DNM1L: variants seen among roughly 807,000 people sequenced by gnomAD.
The protein encoded by DNM1L is dynamin 1L, also known as dynamin-1-like protein.
DNM1L carries 33 observed loss-of-function variants against 92.8 expected under a neutral mutation model. The observed-to-expected ratio is 0.36, with a 90% CI of 0.27 to 0.48. The LOEUF is 0.48. Among genes scored for constraint, DNM1L ranks in the 20% least tolerant of loss-of-function variants. The probability of loss-of-function intolerance (pLI) is 0.99; values close to 1 mark genes in which losing one functional copy is unlikely to be tolerated. For missense variants in DNM1L, 485 were observed against 888.8 expected (o/e 0.55, Z 5.78); for synonymous variants, 284 against 305.0 (o/e 0.93, Z 0.72).
At chr12:32,734,751 G>T (rs928631170) in intron 13 of DNM1L, among the ~76,000 whole-genome samples, 3 of 152,190 alleles carry the variant, frequency 2.0e-5, no homozygotes, top group Admixed American at 2.0e-4. Context: ...GGAGGTTGCA[G>T]TGAGCTGAGA....
In DNM1L at chr12:32,731,230, A is replaced by G. The variant is rs577557556; in HGVS notation, c.1200+96A>G. 77 of 1,591,976 alleles carry G rather than the reference A, an allele frequency of 4.8e-5. No individual in the cohort carries two copies. In the South Asian group the frequency reaches 7.9e-4, roughly 16 times the overall value. On this transcript the variant is annotated intron_variant, in intron 10 of 19. Transcript: ENST00000549701. The surrounding 1 kb of genome is among the most constrained non-coding windows in gnomAD (Gnocchi z 5.1). ...CTTTTTAAATTTAATTATACAGTTT[A>G]TTTTGCTCTCATATTTGAAATTAAA...
chr12:32,729,916 TTG>T (rs1273627105), intron 9 of DNM1L, among the ~76,000 whole-genome samples: 86 of 152,238 alleles, frequency 5.6e-4, no homozygotes, highest in African/African-American at 2.0e-3. Context: ...TCAATAGTGA[TTG>T]TAAAAATAGA....
chr12:32,699,339 A>G (rs1417946586), intron 1 of DNM1L, among the ~76,000 whole-genome samples: 1 of 152,216 alleles, frequency 6.6e-6, no homozygotes, highest in Non-Finnish European at 1.5e-5. Flanking sequence ...TTAAAACAAC[A>G]AAAATTGAAA....
chr12:32,693,205 C>T (rs1161290523), intron 1 of DNM1L, among the ~76,000 whole-genome samples: 1 of 152,154 alleles, frequency 6.6e-6, no homozygotes, highest in Non-Finnish European at 1.5e-5. Flanking sequence ...TATGGTACCT[C>T]ATTGTGGTTT....
At chr12:32,695,040 G>C (rs529373398) in intron 1 of DNM1L, among the ~76,000 whole-genome samples, 2 of 152,244 alleles carry the variant, frequency 1.3e-5, no homozygotes, top group East Asian at 3.9e-4. Context: ...CTCACAAGAA[G>C]AAGGAACCGA....
intron 19 of DNM1L, 51 bp downstream of exon 19, chr12:32,742,799 G>A: frequency 6.5e-7 from 1 of 1,547,826 alleles, no homozygotes; most frequent in Non-Finnish European, 8.8e-7. Context: ...TAGAAACATA[G>A]AAATAGTTTT....
intron 1 of DNM1L, among the ~76,000 whole-genome samples, chr12:32,688,093 A>G (rs1268463510): frequency 6.6e-6 from 1 of 151,714 alleles, no homozygotes; most frequent in African/African-American, 2.4e-5. Flanking sequence ...CCTGGCTAAT[A>G]TTTGTTTTTT....
chr12:32,706,780 G>C (rs1055227279), intron 2 of DNM1L: 2 of 440,144 alleles, frequency 4.5e-6, no homozygotes, highest in South Asian at 3.3e-5. Flanking sequence ...TAATGAGAGA[G>C]CTCTTTAAAG....
chr12:32,720,840 A>G, intron 8 of DNM1L, 45 bp downstream of exon 8: 2 of 1,608,902 alleles, frequency 1.2e-6, no homozygotes, highest in Non-Finnish European at 1.7e-6. Flanking sequence ...TGTTTTTACC[A>G]ATTGGTGTCT....
At chr12:32,714,575 A>G (rs1023260262) in intron 6 of DNM1L, among the ~76,000 whole-genome samples, 3 of 152,000 alleles carry the variant, frequency 2.0e-5, no homozygotes, top group Admixed American at 1.3e-4. Context: ...CTTGGCCCCA[A>G]TATTTTATAT....
At position 32,737,144 on chromosome 12, in the gene DNM1L, G is replaced by A. The variant is rs2137562786; in HGVS notation, c.1579G>A (p.Ala527Thr). 9 of 1,613,666 alleles carry A rather than the reference G, an allele frequency of 5.6e-6. No homozygotes were observed. Among genetic ancestry groups the A allele is most frequent in the Non-Finnish European group, 7.6e-6 (9 of 1,179,842 alleles). ...RNRLARELPS[A>T]VSRDKSSKVP... is the part of the protein sequence containing the mutation. ...CAGGCTAGCCAGAGAATTACCTTCA[G>A]CTGTATCACGAGACAAGGTAAAAAA... The change falls in exon 14 of 20, where the codon GCT (alanine) becomes ACT (threonine). Residue 527 changes from alanine (A) to threonine (T), a missense_variant. By Grantham distance (58) the Ala-to-Thr change is moderately conservative. Coordinates refer to ENST00000549701, the MANE Select transcript of DNM1L (RefSeq NM_012062.5).
intron 1 of DNM1L, among the ~76,000 whole-genome samples, chr12:32,687,560 A>G (rs1952067862): frequency 6.6e-6 from 1 of 151,954 alleles, no homozygotes; most frequent in Non-Finnish European, 1.5e-5. Context: ...CTTCTGCCTC[A>G]TCCTCCCAAG....
chr12:32,743,941 T>TTGA lies in DNM1L; in HGVS notation c.*534_*536dup, dbSNP rs1254200399. 6.3e-6 allele frequency: 1 copy of TTGA among 158,316 alleles called. No individual in the cohort carries two copies. Among genetic ancestry groups the TTGA allele is most frequent in the Admixed American group, 6.1e-5 (1 of 16,508 alleles). 9.8% of individuals were successfully genotyped at this position (158,316 alleles called of 1,614,324 possible). A position where few individuals can be genotyped will look rare whatever the true frequency, so the allele number is the denominator to read the frequency against. On this transcript the variant is annotated 3_prime_UTR_variant, in exon 20 of 20. Coordinates refer to ENST00000549701, the MANE Select transcript of DNM1L (RefSeq NM_012062.5). Reference sequence around the variant, plus strand: ...TTTTTTCTGAGCTTCTTTGCAGCCTTTGATGTGTTTTTAAGAAAGCTGAAT... The same window carrying TTGA: ...TTTTTTCTGAGCTTCTTTGCAGCCTTTGATGATGTGTTTTTAAGAAAGCTGAAT...
intron 1 of DNM1L, among the ~76,000 whole-genome samples, chr12:32,682,494 C>A (rs1315096892): frequency 1.3e-5 from 2 of 152,032 alleles, no homozygotes; most frequent in African/African-American, 4.8e-5. Context: ...TTTTATAAGC[C>A]TGGGTTGGGT....
intron 6 of DNM1L, among the ~76,000 whole-genome samples, chr12:32,717,021 T>G (rs1276633377): frequency 7.0e-6 from 1 of 142,768 alleles, no homozygotes; most frequent in East Asian, 2.0e-4. Flanking sequence ...CTGCTCTGCA[T>G]AGTGTACAAT....
At chr12:32,683,418 A>T (rs1010364173) in intron 1 of DNM1L, among the ~76,000 whole-genome samples, 2 of 151,112 alleles carry the variant, frequency 1.3e-5, no homozygotes, top group African/African-American at 4.9e-5. Flanking sequence ...CTGCCTTACT[A>T]TGTTGCCAAG....
At chr12:32,720,228 T>C (rs1325038402) in intron 7 of DNM1L, among the ~76,000 whole-genome samples, 6 of 152,164 alleles carry the variant, frequency 3.9e-5, no homozygotes, top group Non-Finnish European at 4.4e-5. Context: ...CACTGTTCGT[T>C]GTTTGTAGAT....
intron 18 of DNM1L, among the ~76,000 whole-genome samples, chr12:32,741,300 T>C (rs1011681862): frequency 3.9e-5 from 6 of 152,172 alleles, no homozygotes; most frequent in Admixed American, 6.5e-5. Flanking sequence ...CAGAAGGTGT[T>C]TTTGAGATGG....
In DNM1L at chr12:32,743,469, T is replaced by A; in HGVS notation, c.*59T>A. 1 of 1,513,294 alleles carries A rather than the reference T, an allele frequency of 6.6e-7. No homozygotes were observed. The highest frequency in any genetic ancestry group is 9.2e-7 in the Non-Finnish European group (1 of 1,090,274). 93.7% of individuals were successfully genotyped at this position (1,513,294 alleles called of 1,614,324 possible). On this transcript the variant is annotated 3_prime_UTR_variant, in exon 20 of 20. Coordinates refer to ENST00000549701, the MANE Select transcript of DNM1L (RefSeq NM_012062.5). ...CAAAACTTGCTAGTTACTGCCTACC[T>A]GAGTAGAATCTTATTTATGAACTCC...
Sources: gnomAD v4.1 joint callset for allele counts (sites outside exome capture counted in the v4.1 genomes callset) on GRCh38, gnomAD v4.1.1 for gene constraint, Gnocchi (gnomAD v3.1) non-coding constraint, MANE v1.5 for transcripts, NCBI Gene and HGNC (gene_info 2026-07-23, HGNC 2026-07-21) for gene names.